Variants in KATNIP observed in about 807,000 individuals in gnomAD.
KATNIP encodes katanin-interacting protein.
KATNIP carries 126 observed loss-of-function variants against 174.0 expected under a neutral mutation model. The ratio of observed to expected loss-of-function variants is 0.72; its 90% CI spans 0.63 to 0.84. The LOEUF (loss-of-function observed/expected upper bound fraction) is 0.84. Among genes scored for constraint, KATNIP ranks in the 40% least tolerant of loss-of-function variants. The probability of loss-of-function intolerance (pLI) is 0.00; values close to 1 mark genes in which losing one functional copy is unlikely to be tolerated. For missense variants in KATNIP, 1,958 were observed against 2,109.7 expected (o/e 0.93, Z 1.41); for synonymous variants, 810 against 835.7 (o/e 0.97, Z 0.53).
intron 1 of KATNIP, among the ~76,000 whole-genome samples, chr16:27,552,908 G>T (rs2089451844): frequency 6.6e-6 from 1 of 151,996 alleles, no homozygotes; most frequent in Non-Finnish European, 1.5e-5. Flanking sequence ...TGGTCAGGCT[G>T]GTCTCAAACT....
chr16:27,725,896 G>A (rs972380763), intron 14 of KATNIP, among the ~76,000 whole-genome samples: 1 of 151,952 alleles, frequency 6.6e-6, no homozygotes. Flanking sequence ...ATACAGAAAG[G>A]CACTCGTTAA....
At chr16:27,723,814 C>G (rs1175028852) in intron 14 of KATNIP, among the ~76,000 whole-genome samples, 2 of 151,914 alleles carry the variant, frequency 1.3e-5, no homozygotes, top group Non-Finnish European at 2.9e-5. Context: ...TTCCTCCCTC[C>G]CTCCCTCCTT....
At chr16:27,560,641 T>C (rs1350426465) in intron 1 of KATNIP, among the ~76,000 whole-genome samples, 1 of 152,220 alleles carries the variant, frequency 6.6e-6, no homozygotes, top group Admixed American at 6.6e-5. Context: ...TGTGCCCTTC[T>C]TTCAAGTCAC....
chr16:27,715,740 A>G (rs2079903895), intron 13 of KATNIP, among the ~76,000 whole-genome samples: 1 of 152,214 alleles, frequency 6.6e-6, no homozygotes, highest in South Asian at 2.1e-4. Flanking sequence ...GCAATGAGAT[A>G]TCACTTCACA....
rs182523803 is a variant in KATNIP at position 27,635,919 on chromosome 16, C to T, written c.408+4757C>T. On this transcript the variant is annotated intron_variant, in intron 5 of 27. Transcript: ENST00000261588. ...CTCTAATCCTAGCACTTTGGGAGGCCGAGGAAGGAGGATCACCTGAGCTCA... is the reference window on the plus strand; with the variant it reads ...CTCTAATCCTAGCACTTTGGGAGGCTGAGGAAGGAGGATCACCTGAGCTCA... Among the ~76,000 whole-genome samples, 11 of 152,128 alleles carry T rather than the reference C, an allele frequency of 7.2e-5. No individual in the cohort carries two copies. In the East Asian group the frequency reaches 1.9e-3, roughly 27 times the overall value.
At chr16:27,693,470 C>A (rs1481265165) in intron 8 of KATNIP, among the ~76,000 whole-genome samples, 1 of 152,166 alleles carries the variant, frequency 6.6e-6, no homozygotes, top group African/African-American at 2.4e-5. Flanking sequence ...CTTACTGCAA[C>A]TTCTGCCTCC....
chr16:27,597,797 GC>G (rs1422098253), intron 2 of KATNIP, among the ~76,000 whole-genome samples: 3 of 152,108 alleles, frequency 2.0e-5, no homozygotes, highest in Non-Finnish European at 2.9e-5. Context: ...TCTCTGCCCA[GC>G]CCTCAGGTTT....
At chr16:27,709,321 TA>T (rs544654938) in intron 13 of KATNIP, among the ~76,000 whole-genome samples, 756 of 119,988 alleles carry the variant, frequency 6.3e-3, no homozygotes, top group Admixed American at 7.7e-3. Flanking sequence ...ACCCTGTCTC[TA>T]AAAAAAAAAA....
rs192097729 is a variant in KATNIP at position 27,728,521 on chromosome 16, C to G, written c.1743+6826C>G. 3.7e-4 allele frequency among the ~76,000 whole-genome samples: 56 copies of G among 152,302 alleles called. 2 individuals are homozygous for G. The highest frequency in any genetic ancestry group is 6.8e-3 in the Middle Eastern group (2 of 294). ...TCTCAGCTCACGGCAAACTCTACCC[C>G]CTGGGTTCAAGCAGTTCTCCTGCCT... On this transcript the variant is annotated intron_variant, in intron 14 of 27. Transcript: ENST00000261588.
chr16:27,758,656 A>G lies in KATNIP; in HGVS notation c.3632-2757A>G, dbSNP rs149031632. 8.0e-4 allele frequency among the ~76,000 whole-genome samples: 122 copies of G among 152,234 alleles called. 1 individual carries two copies. The highest frequency in any genetic ancestry group is 2.4e-3 in the African/African-American group (98 of 41,524). On this transcript the variant is annotated intron_variant, in intron 18 of 27. Transcript: ENST00000261588. ...GCCGCTTGGTTCCACCTATGGGTCA[A>G]ATTTGCTCTCCTCTCAGCCTGGAAT...
chr16:27,692,932 C>T (rs947011595), intron 8 of KATNIP, among the ~76,000 whole-genome samples: 1 of 152,146 alleles, frequency 6.6e-6, no homozygotes, highest in African/African-American at 2.4e-5. Flanking sequence ...CTCATTTCTG[C>T]GTTAGGGGCG....
At chr16:27,555,599 C>G (rs539599106) in intron 1 of KATNIP, among the ~76,000 whole-genome samples, 91 of 149,102 alleles carry the variant, frequency 6.1e-4, no homozygotes, top group African/African-American at 2.2e-3. Context: ...CTTTGGAAGG[C>G]CGAGGCAGGC....
intron 15 of KATNIP, among the ~76,000 whole-genome samples, chr16:27,741,824 C>T (rs890039693): frequency 1.3e-5 from 2 of 152,052 alleles, no homozygotes; most frequent in Admixed American, 1.3e-4. Context: ...ATCACTTGAA[C>T]CTAGGAGGTG....
chr16:27,764,308 T>A (rs551620238), intron 19 of KATNIP, among the ~76,000 whole-genome samples: 1 of 152,366 alleles, frequency 6.6e-6, no homozygotes, highest in East Asian at 1.9e-4. Flanking sequence ...TAGGGATTAT[T>A]ATGAACTCAT....
chr16:27,622,080 C>T (rs762033554), intron 3 of KATNIP, among the ~76,000 whole-genome samples: 1 of 152,048 alleles, frequency 6.6e-6, no homozygotes, highest in Non-Finnish European at 1.5e-5. Context: ...CAGTTTCACC[C>T]GGTGGAGTCA....
intron 2 of KATNIP, among the ~76,000 whole-genome samples, chr16:27,610,914 G>A (rs997848293): frequency 1.3e-5 from 2 of 152,122 alleles, no homozygotes; most frequent in Non-Finnish European, 2.9e-5. Context: ...ATCTACCTGT[G>A]ACCTGGAAGC....
At chr16:27,627,685 C>A (rs949753305) in intron 3 of KATNIP, among the ~76,000 whole-genome samples, 2 of 152,134 alleles carry the variant, frequency 1.3e-5, no homozygotes, top group Non-Finnish European at 2.9e-5. Context: ...ACAGTATGCA[C>A]CTTTTATGTG....
chr16:27,747,096 G>A (rs1416428067), intron 15 of KATNIP, among the ~76,000 whole-genome samples: 1 of 152,240 alleles, frequency 6.6e-6, no homozygotes, highest in Admixed American at 6.5e-5. Flanking sequence ...GGCAAGGAAG[G>A]ATGGCAGTGT....
At chr16:27,643,074 T>C (rs145384390) in intron 5 of KATNIP, 3 of 152,240 alleles carry the variant, frequency 2.0e-5, no homozygotes, top group African/African-American at 7.2e-5. Context: ...TCTTTAGTCA[T>C]TGCCTGTGGC....
Sources: allele counts gnomAD v4.1 joint callset (sites outside exome capture counted in the v4.1 genomes callset), GRCh38; gene constraint gnomAD v4.1.1; transcripts MANE v1.5; gene names NCBI Gene and HGNC (gene_info 2026-07-23, HGNC 2026-07-21).